The following DIAPH2 variants were observed in gnomAD, a reference collection of about 807,000 sequenced individuals.
DIAPH2 encodes diaphanous related formin 2.
DIAPH2 carries 35 observed loss-of-function variants against 92.7 expected under a neutral mutation model. The observed-to-expected ratio is 0.38, with a 90% CI of 0.29 to 0.50. The LOEUF (loss-of-function observed/expected upper bound fraction) is 0.50. DIAPH2 is among the 20% of genes least tolerant of loss of function. The pLI is 0.94. For synonymous variants in DIAPH2, 301 were observed against 280.4 expected (o/e 1.07, Z -0.73); for missense variants, 701 against 819.5 (o/e 0.86, Z 1.77).
intron 5 of DIAPH2, among the ~76,000 whole-genome samples, chrX:96,883,386 GTTTTTTT>G (rs748718266): frequency 4.2e-4 from 43 of 101,269 alleles, no homozygotes; most frequent in Non-Finnish European, 7.7e-4. Flanking sequence ...TTTGTTTTTT[GTTTTTTT>G]TTTTGAGACG....
chrX:97,315,071 T>G (rs934472696), intron 23 of DIAPH2, among the ~76,000 whole-genome samples: 1 of 111,939 alleles, frequency 8.9e-6, no homozygotes, highest in African/African-American at 3.2e-5. Context: ...TGCTTAGTTT[T>G]ACTTATCATT....
chrX:97,339,168 A>G (rs2069090976), intron 23 of DIAPH2, among the ~76,000 whole-genome samples: 2 of 111,192 alleles, frequency 1.8e-5, no homozygotes, highest in South Asian at 3.8e-4. Flanking sequence ...TAGTGCATAA[A>G]TACCCCAGTA....
intron 23 of DIAPH2, among the ~76,000 whole-genome samples, chrX:97,275,373 C>G (rs1220286896): frequency 1.0e-5 from 1 of 100,128 alleles, no homozygotes; most frequent in Non-Finnish European, 2.0e-5. Context: ...GCGGGGGCTG[C>G]CCCCCCCACC....
chrX:97,472,890 C>T (rs1007211276), intron 26 of DIAPH2, among the ~76,000 whole-genome samples: 3 of 112,161 alleles, frequency 2.7e-5, no homozygotes, highest in Non-Finnish European at 5.6e-5. Context: ...CTTTCTCCTA[C>T]ATTCCCCCAA....
intron 23 of DIAPH2, among the ~76,000 whole-genome samples, chrX:97,266,223 T>C (rs1460369738): frequency 8.9e-6 from 1 of 112,248 alleles, no homozygotes; most frequent in Non-Finnish European, 1.9e-5. Flanking sequence ...GGCGAATAAG[T>C]CATAGTACTT....
intron 13 of DIAPH2, among the ~76,000 whole-genome samples, chrX:96,944,055 A>C (rs2065723111): frequency 8.9e-6 from 1 of 112,070 alleles, no homozygotes. Flanking sequence ...ATGTTCATGT[A>C]CACAAAAAAT....
chrX:97,193,844 C>T (rs1343203252), intron 22 of DIAPH2, among the ~76,000 whole-genome samples: 1 of 111,793 alleles, frequency 8.9e-6, no homozygotes, highest in East Asian at 2.8e-4. Flanking sequence ...AAATTTAAAT[C>T]CGTGGATTAT....
intron 4 of DIAPH2, among the ~76,000 whole-genome samples, chrX:96,816,608 C>G (rs1346454908): frequency 8.9e-6 from 1 of 112,134 alleles, no homozygotes; most frequent in Non-Finnish European, 1.9e-5. Flanking sequence ...AAAGGGAACC[C>G]TCATGCACTG....
intron 23 of DIAPH2, among the ~76,000 whole-genome samples, chrX:97,323,793 C>T (rs897922431): frequency 2.9e-5 from 3 of 104,935 alleles, no homozygotes; most frequent in East Asian, 3.0e-4. Context: ...ATCCCAGCTA[C>T]TCAGGAGGCT....
chrX:97,383,337 A>C (rs1360659614), intron 24 of DIAPH2, among the ~76,000 whole-genome samples: 1 of 110,811 alleles, frequency 9.0e-6, no homozygotes, highest in African/African-American at 3.3e-5. Flanking sequence ...CATAGACTAA[A>C]ATTCCTTGAT....
intron 23 of DIAPH2, among the ~76,000 whole-genome samples, chrX:97,292,548 A>ATT (rs770697641): frequency 1.9e-4 from 18 of 94,582 alleles, no homozygotes; most frequent in Admixed American, 2.3e-4. Context: ...TTAATACCCA[A>ATT]TTTTTTTTTT....
At chrX:97,028,210 A>G (rs770734688) in intron 17 of DIAPH2, among the ~76,000 whole-genome samples, 1 of 111,293 alleles carries the variant, frequency 9.0e-6, no homozygotes, top group Admixed American at 9.5e-5. Flanking sequence ...CATCTTCAAT[A>G]TGATGTCAAT....
intron 26 of DIAPH2, among the ~76,000 whole-genome samples, chrX:97,455,562 G>A (rs1051446139): frequency 1.8e-5 from 2 of 111,875 alleles, no homozygotes; most frequent in African/African-American, 6.5e-5. Flanking sequence ...GAAGTTTCCT[G>A]TGAAAACATA....
intron 23 of DIAPH2, among the ~76,000 whole-genome samples, chrX:97,267,924 A>C (rs2068351400): frequency 9.0e-6 from 1 of 111,528 alleles, no homozygotes; most frequent in African/African-American, 3.3e-5. Flanking sequence ...TTTGGTTAGA[A>C]ATGGTCTCCA....
intron 17 of DIAPH2, among the ~76,000 whole-genome samples, chrX:96,965,857 G>T (rs1054736978): frequency 2.7e-5 from 3 of 111,179 alleles, no homozygotes; most frequent in Non-Finnish European, 5.7e-5. Flanking sequence ...GATCGTTATG[G>T]TTCATTAATT....
chrX:97,072,700 C>A (rs948138633), intron 17 of DIAPH2, among the ~76,000 whole-genome samples: 11 of 111,057 alleles, frequency 9.9e-5, no homozygotes, highest in African/African-American at 3.6e-4. Flanking sequence ...TAAGAAGGAG[C>A]AATTGATTTT....
chrX:96,791,878 C>T (rs185695693), intron 4 of DIAPH2, among the ~76,000 whole-genome samples: 1 of 110,747 alleles, frequency 9.0e-6, no homozygotes, highest in East Asian at 2.9e-4. Context: ...TAGGAGGCGG[C>T]TGAAATTCAG....
chrX:97,114,080 A>T (rs1216912185), intron 20 of DIAPH2, among the ~76,000 whole-genome samples: 1 of 112,226 alleles, frequency 8.9e-6, no homozygotes, highest in Non-Finnish European at 1.9e-5. Flanking sequence ...CCAATGTAGA[A>T]TTCTTGCATA....
chrX:97,408,869 C>G (rs5921812), intron 25 of DIAPH2, among the ~76,000 whole-genome samples: 8,202 of 111,558 alleles, frequency 0.074, 332 homozygotes, highest in African/African-American at 0.16. Flanking sequence ...ATGATAAAGA[C>G]AAGTAGCCTA....
Sources: gnomAD v4.1 joint callset for allele counts (sites outside exome capture counted in the v4.1 genomes callset) on GRCh38, gnomAD v4.1.1 for gene constraint, MANE v1.5 for transcripts, NCBI Gene and HGNC (gene_info 2026-07-23, HGNC 2026-07-21) for gene names.